NKAIN2: variants seen among roughly 807,000 people sequenced by gnomAD.
NKAIN2 encodes sodium/potassium transporting ATPase interacting 2.
In NKAIN2, 14 loss-of-function variants were observed where a neutral mutation model predicts 32.6. The ratio of observed to expected loss-of-function variants is 0.43; its 90% CI spans 0.28 to 0.67. NKAIN2 has a LOEUF of 0.67. Among genes scored for constraint, NKAIN2 ranks in the 30% least tolerant of loss-of-function variants. The pLI is 0.17. For synonymous variants in NKAIN2, 80 were observed against 87.2 expected (o/e 0.92, Z 0.46); for missense variants, 198 against 258.3 (o/e 0.77, Z 1.60).
intron 1 of NKAIN2, among the ~76,000 whole-genome samples, chr6:124,166,712 A>G (rs1285350502): frequency 6.6e-6 from 1 of 151,788 alleles, no homozygotes; most frequent in Non-Finnish European, 1.5e-5. Flanking sequence ...TAAGGAAGGG[A>G]TCCAGTTTCA....
chr6:124,806,787 G>A (rs6928785), intron 5 of NKAIN2, among the ~76,000 whole-genome samples: 1 of 151,692 alleles, frequency 6.6e-6, no homozygotes, highest in Admixed American at 6.6e-5. Context: ...TAAAAGGATG[G>A]AGGAAGATCT....
intron 1 of NKAIN2, among the ~76,000 whole-genome samples, chr6:124,175,117 G>A (rs760489799): frequency 3.3e-5 from 5 of 152,078 alleles, no homozygotes; most frequent in African/African-American, 1.2e-4. Flanking sequence ...TTATCAAAAG[G>A]TGGGTGCTGA....
chr6:124,463,780 T>A (rs1380717292), intron 3 of NKAIN2, among the ~76,000 whole-genome samples: 1 of 152,156 alleles, frequency 6.6e-6, no homozygotes, highest in East Asian at 1.9e-4. Flanking sequence ...AAGATTGCTT[T>A]GTGTTTTTAT....
rs1429792655 is a variant in NKAIN2 at position 124,342,835 on chromosome 6, A to ATTATTATTATTATTATTGTTATTG, written c.193-12419_193-12418insTATTGTTATTGTTATTATTATTAT. Among the ~76,000 whole-genome samples the ATTATTATTATTATTATTGTTATTG allele has an allele frequency of 1.7e-3, 259 of 149,914 alleles. 3 individuals carry two copies. The highest frequency in any genetic ancestry group is 6.2e-3 in the African/African-American group (254 of 40,760). Reference sequence around the variant, plus strand: ...ATGTTTTATTATTATTATTATTATTATTATTATTATTATACTTTAAGTTTT... The same window carrying ATTATTATTATTATTATTGTTATTG: ...ATGTTTTATTATTATTATTATTATTATTATTATTATTATTATTGTTATTGTTATTATTATTATACTTTAAGTTTT... On this transcript the variant is annotated intron_variant, in intron 2 of 6. Coordinates refer to ENST00000368417, the MANE Select transcript of NKAIN2 (RefSeq NM_001040214.3).
intron 1 of NKAIN2, among the ~76,000 whole-genome samples, chr6:124,255,643 A>T (rs1396885039): frequency 6.6e-6 from 1 of 152,212 alleles, no homozygotes; most frequent in East Asian, 1.9e-4. Context: ...CTCACCTATG[A>T]ATACTAAATT....
chr6:123,859,372 A>T (rs1449995166), intron 1 of NKAIN2, among the ~76,000 whole-genome samples: 1 of 152,130 alleles, frequency 6.6e-6, no homozygotes, highest in Non-Finnish European at 1.5e-5. Flanking sequence ...GGCAGTGATA[A>T]CAGTCATATT....
intron 2 of NKAIN2, among the ~76,000 whole-genome samples, chr6:124,313,056 A>G (rs1181185090): frequency 6.6e-6 from 1 of 152,076 alleles, no homozygotes; most frequent in African/African-American, 2.4e-5. Flanking sequence ...TAAGCTAGGA[A>G]CCATGGGAAA....
intron 1 of NKAIN2, among the ~76,000 whole-genome samples, chr6:123,924,999 AT>A (rs1474956980): frequency 2.6e-5 from 4 of 152,152 alleles, no homozygotes; most frequent in Admixed American, 2.0e-4. Context: ...AATTGAAAAA[AT>A]ATAACTAAAA....
intron 3 of NKAIN2, among the ~76,000 whole-genome samples, chr6:124,606,613 T>G (rs1466611193): frequency 6.6e-6 from 1 of 152,132 alleles, no homozygotes; most frequent in Non-Finnish European, 1.5e-5. Context: ...ATTTCTAGTA[T>G]TTAATGTAAG....
intron 4 of NKAIN2, among the ~76,000 whole-genome samples, chr6:124,770,681 G>A (rs1407790455): frequency 2.6e-5 from 4 of 151,104 alleles, no homozygotes; most frequent in African/African-American, 7.3e-5. Flanking sequence ...TCTTATTAAC[G>A]ATGCTCTGAT....
chr6:124,288,947 A>G (rs2114939875), intron 2 of NKAIN2, among the ~76,000 whole-genome samples: 1 of 149,144 alleles, frequency 6.7e-6, no homozygotes, highest in East Asian at 2.0e-4. Context: ...CAAATGAAGG[A>G]GAAATATTGG....
At chr6:124,770,844 C>G (rs1778720191) in intron 4 of NKAIN2, among the ~76,000 whole-genome samples, 1 of 152,024 alleles carries the variant, frequency 6.6e-6, no homozygotes, top group African/African-American at 2.4e-5. Context: ...AGCTTTCTTT[C>G]CAAGCATACA....
At chr6:124,118,287 A>G (rs1162276261) in intron 1 of NKAIN2, among the ~76,000 whole-genome samples, 1 of 152,190 alleles carries the variant, frequency 6.6e-6, no homozygotes, top group Non-Finnish European at 1.5e-5. Context: ...AATGAATTAA[A>G]AAATCGGAAT....
At chr6:123,992,106 C>T (rs1054978014) in intron 1 of NKAIN2, among the ~76,000 whole-genome samples, 4 of 151,998 alleles carry the variant, frequency 2.6e-5, no homozygotes, top group Non-Finnish European at 5.9e-5. Context: ...TCTTTCTGGG[C>T]TGGCAGTGGA....
chr6:124,243,020 C>G (rs1168338437), intron 1 of NKAIN2, among the ~76,000 whole-genome samples: 1 of 148,480 alleles, frequency 6.7e-6, no homozygotes, highest in Non-Finnish European at 1.5e-5. Context: ...ACATGTATCC[C>G]AGAACTTAAA....
intron 4 of NKAIN2, among the ~76,000 whole-genome samples, chr6:124,686,434 C>T (rs996310983): frequency 6.6e-6 from 1 of 152,010 alleles, no homozygotes; most frequent in African/African-American, 2.4e-5. Flanking sequence ...GGAGCAAACA[C>T]CCGACATGAC....
chr6:124,517,946 T>C (rs1239882826), intron 3 of NKAIN2, among the ~76,000 whole-genome samples: 3 of 152,146 alleles, frequency 2.0e-5, no homozygotes, highest in Non-Finnish European at 4.4e-5. Context: ...CATGTTACAT[T>C]GACTACACTT....
intron 3 of NKAIN2, among the ~76,000 whole-genome samples, chr6:124,435,097 G>A (rs918925973): frequency 6.6e-6 from 1 of 152,070 alleles, no homozygotes; most frequent in African/African-American, 2.4e-5. Context: ...AAAAGAGAGT[G>A]GTTATTGATT....
chr6:124,370,601 T>G (rs1244101076), intron 3 of NKAIN2, among the ~76,000 whole-genome samples: 1 of 152,138 alleles, frequency 6.6e-6, no homozygotes, highest in Non-Finnish European at 1.5e-5. Context: ...CTTTCTTATG[T>G]GTAAAAACTA....
Sources: gnomAD v4.1 joint callset for allele counts (sites outside exome capture counted in the v4.1 genomes callset) on GRCh38, gnomAD v4.1.1 for gene constraint, MANE v1.5 for transcripts, NCBI Gene and HGNC (gene_info 2026-07-23, HGNC 2026-07-21) for gene names.